The following EML4 variants were observed in gnomAD, a reference collection of about 807,000 sequenced individuals.
EML4 encodes echinoderm microtubule-associated protein-like 4.
Under a neutral mutation model 129.0 loss-of-function variants are expected in EML4, and 72 were observed. That is an observed-to-expected ratio of 0.56 (90% CI 0.46 to 0.68). The LOEUF is 0.68. Among genes scored for constraint, EML4 ranks in the 30% least tolerant of loss-of-function variants. The probability of loss-of-function intolerance (pLI) is 0.00; values close to 1 mark genes in which losing one functional copy is unlikely to be tolerated. For missense variants in EML4, 1,363 were observed against 1,190.6 expected (o/e 1.14, Z -2.13); for synonymous variants, 532 against 405.0 (o/e 1.31, Z -3.77).
intron 1 of EML4, among the ~76,000 whole-genome samples, chr2:42,206,572 A>G (rs1014847622): frequency 2.0e-5 from 3 of 152,120 alleles, no homozygotes; most frequent in African/African-American, 7.2e-5. Flanking sequence ...TTAATCTGGA[A>G]CTGAACTGTT....
chr2:42,248,869 T>G (rs1675585169), intron 2 of EML4, among the ~76,000 whole-genome samples: 1 of 152,194 alleles, frequency 6.6e-6, no homozygotes, highest in East Asian at 1.9e-4. Context: ...TAGATGAGCA[T>G]AATTCATGTT....
intron 5 of EML4, among the ~76,000 whole-genome samples, chr2:42,263,840 C>T (rs1200871302): frequency 6.6e-6 from 1 of 152,140 alleles, no homozygotes; most frequent in African/African-American, 2.4e-5. Context: ...AGCGATTGTC[C>T]TGCCTTAGCC....
At chr2:42,217,677 T>C (rs1673283613) in intron 1 of EML4, among the ~76,000 whole-genome samples, 1 of 152,226 alleles carries the variant, frequency 6.6e-6, no homozygotes, top group Admixed American at 6.5e-5. Context: ...TGTTTGTGTG[T>C]CCACATATTC....
intron 1 of EML4, 21 bp downstream of exon 1, chr2:42,169,657 C>G: frequency 6.3e-7 from 1 of 1,599,800 alleles, no homozygotes; most frequent in Non-Finnish European, 8.5e-7. Flanking sequence ...CTGGGGAGTC[C>G]TGCGTCTTCT....
chr2:42,277,745 T>G (rs1666740244), intron 6 of EML4, among the ~76,000 whole-genome samples: 1 of 152,120 alleles, frequency 6.6e-6, no homozygotes, highest in Non-Finnish European at 1.5e-5. Flanking sequence ...AATTTTGTAT[T>G]TTTAGTAGAG....
chr2:42,258,923 G>A (rs181120335), intron 3 of EML4, among the ~76,000 whole-genome samples: 3 of 152,106 alleles, frequency 2.0e-5, no homozygotes, highest in Admixed American at 2.0e-4. Flanking sequence ...GATTATAATC[G>A]AATTACAAAA....
chr2:42,177,361 C>CT (rs1670666802), intron 1 of EML4, among the ~76,000 whole-genome samples: 1 of 151,956 alleles, frequency 6.6e-6, no homozygotes, highest in South Asian at 2.1e-4. Context: ...TGGCTCACGC[C>CT]TGTAATCCCA....
intron 19 of EML4, among the ~76,000 whole-genome samples, chr2:42,321,824 A>C (rs1246346264): frequency 6.6e-6 from 1 of 152,244 alleles, no homozygotes; most frequent in Non-Finnish European, 1.5e-5. Context: ...GAAAAAATGC[A>C]TTCACAATAG....
chr2:42,215,996 C>G (rs1673162451), intron 1 of EML4, among the ~76,000 whole-genome samples: 1 of 151,914 alleles, frequency 6.6e-6, no homozygotes, highest in Admixed American at 6.6e-5. Flanking sequence ...TCTCAGCTCA[C>G]TGCAACCTCC....
At chr2:42,201,551 C>G (rs920471224) in intron 1 of EML4, among the ~76,000 whole-genome samples, 4 of 152,178 alleles carry the variant, frequency 2.6e-5, no homozygotes, top group Non-Finnish European at 4.4e-5. Flanking sequence ...CCTGCACTCT[C>G]ATGTTCATTG....
At chr2:42,220,287 T>C (rs1013496413) in intron 1 of EML4, among the ~76,000 whole-genome samples, 1 of 151,516 alleles carries the variant, frequency 6.6e-6, no homozygotes, top group Non-Finnish European at 1.5e-5. Context: ...CAACCCTGCA[T>C]TGAGCAAGTG....
At chr2:42,222,727 T>G (rs1371515282) in intron 1 of EML4, among the ~76,000 whole-genome samples, 1 of 152,214 alleles carries the variant, frequency 6.6e-6, no homozygotes, top group Non-Finnish European at 1.5e-5. Context: ...ACTTAAAATA[T>G]ATATCCATTG....
At position 42,272,749 on chromosome 2, in the gene EML4, A is replaced by T. The variant is rs144924345; in HGVS notation, c.667+8018A>T. 9.3e-3 allele frequency among the ~76,000 whole-genome samples: 1,418 copies of T among 152,280 alleles called. 24 individuals are homozygous for T. Among genetic ancestry groups the T allele is most frequent in the African/African-American group, 0.032 (1,315 of 41,550 alleles). On this transcript the variant is annotated intron_variant, in intron 6 of 22. Transcript: ENST00000318522. ...TGAATGAAAAGACTTTAACCACAAT[A>T]AATACGTATAAGATTAGAACGTTCT...
At chr2:42,275,748 A>C (rs1666623003) in intron 6 of EML4, among the ~76,000 whole-genome samples, 2 of 152,172 alleles carry the variant, frequency 1.3e-5, no homozygotes, top group Admixed American at 6.5e-5. Flanking sequence ...AGAAATTTTC[A>C]CCATACCAAG....
chr2:42,313,375 G>A lies in EML4; in HGVS notation c.1968-2587G>A, dbSNP rs150753983. Among the ~76,000 whole-genome samples the A allele has an allele frequency of 8.2e-3, 1,240 of 152,104 alleles. 8 individuals are homozygous for A. Among genetic ancestry groups the A allele is most frequent in the Middle Eastern group, 0.024 (7 of 294 alleles). ...GTTCTCTGAGAGCTCTCTCACCATG[G>A]GCCATGGTCACTCATATTTGGCTCA... On this transcript the variant is annotated intron_variant, in intron 17 of 22. Coordinates refer to ENST00000318522, the MANE Select transcript of EML4 (RefSeq NM_019063.5).
At chr2:42,287,101 T>TTA (rs1300258654) in intron 10 of EML4, among the ~76,000 whole-genome samples, 2 of 152,204 alleles carry the variant, frequency 1.3e-5, no homozygotes, top group East Asian at 1.9e-4. Context: ...GTGACCTCAG[T>TTA]TATATATTCA....
chr2:42,193,648 G>T (rs72978884), intron 1 of EML4, among the ~76,000 whole-genome samples: 3,544 of 151,080 alleles, frequency 0.023, 130 homozygotes, highest in African/African-American at 0.079. Flanking sequence ...TTTCACTTTT[G>T]TCATCTATCT....
chr2:42,248,633 T>C lies in EML4; in HGVS notation c.208+2946T>C, dbSNP rs913133771. 5.3e-5 allele frequency among the ~76,000 whole-genome samples: 8 copies of C among 152,292 alleles called. No homozygotes were observed. The South Asian group carries it at 1.4e-3, about 28-fold the overall frequency. ...CCACAGAACCATCTCTGTGGAACTT[T>C]TTCTTTTCACATAACACTAACTTAA... On this transcript the variant is annotated intron_variant, in intron 2 of 22. Coordinates refer to ENST00000318522, the MANE Select transcript of EML4 (RefSeq NM_019063.5).
rs1445154610 is a variant in EML4, at chr2:42,267,309, G to C, written c.667+2578G>C. 2.0e-5 allele frequency among the ~76,000 whole-genome samples: 3 copies of C among 152,210 alleles called. No homozygotes were observed. The South Asian group carries it at 6.2e-4, about 31-fold the overall frequency. ...AAAGATAATTATTAAATAGGTGAGA[G>C]TCATTGACTGTAAGTTGTATAGCTA... On this transcript the variant is annotated intron_variant, in intron 6 of 22. Coordinates refer to ENST00000318522, the MANE Select transcript of EML4 (RefSeq NM_019063.5).
Sources: gnomAD v4.1 joint callset for allele counts (sites outside exome capture counted in the v4.1 genomes callset) on GRCh38, gnomAD v4.1.1 for gene constraint, MANE v1.5 for transcripts, NCBI Gene and HGNC (gene_info 2026-07-23, HGNC 2026-07-21) for gene names.